TAS1R1: variants seen among roughly 807,000 people sequenced by gnomAD.
TAS1R1 encodes the protein taste 1 receptor member 1.
TAS1R1 carries 31 observed loss-of-function variants against 45.8 expected under a neutral mutation model. The observed-to-expected ratio is 0.68, with a 90% CI of 0.51 to 0.91. The LOEUF (loss-of-function observed/expected upper bound fraction) is 0.91. TAS1R1 is among the 40% of genes least tolerant of loss of function. The pLI is 0.00. For synonymous variants in TAS1R1, 437 were observed against 448.4 expected, an observed-to-expected ratio of 0.97 and a Z score of 0.32; for missense variants, 1,051 against 1,063.9, an observed-to-expected ratio of 0.99 and a Z score of 0.17.
intron 1 of TAS1R1, among the ~76,000 whole-genome samples, chr1:6,560,545 A>T (rs1222844975): frequency 6.6e-6 from 1 of 152,086 alleles, no homozygotes; most frequent in African/African-American, 2.4e-5. Flanking sequence ...GATGGTGAAA[A>T]AAAGAGGGGA....
rs141778183 is a variant in TAS1R1, at chr1:6,563,836, G to T, written c.192-7073G>T. ...CACACAGGGTGCCTTGAAAGGGGAG[G>T]TCATCTATCCACTCTAAAAGAGAGT... On this transcript the variant is annotated intron_variant, in intron 1 of 5. Transcript: ENST00000333172. 3.3e-3 allele frequency among the ~76,000 whole-genome samples: 495 copies of T among 152,206 alleles called. 7 individuals are homozygous for T. Among genetic ancestry groups the T allele is most frequent in the African/African-American group, 0.011 (475 of 41,532 alleles).
intron 5 of TAS1R1, 25 bp downstream of exon 5, chr1:6,577,095 G>A (rs1366067606): frequency 6.2e-7 from 1 of 1,614,006 alleles, no homozygotes; most frequent in South Asian, 1.1e-5. Context: ...GAGCAGGCGA[G>A]CTACCCAGCA....
Position 6,570,940 on chromosome 1 carries a change from C to T in TAS1R1, c.223C>T (p.Leu75Phe). 1.2e-6 allele frequency: 2 copies of T among 1,609,778 alleles called. No homozygotes were observed. The highest frequency in any genetic ancestry group is 8.5e-7 in the Non-Finnish European group (1 of 1,177,812). ...SCSFNEHGYH[L>F]FQAMRLGVEE... ...TAGCTTCAATGAGCATGGCTACCAC[C>T]TCTTCCAGGCTATGCGGCTTGGGGT... Residue 75 changes from leucine to phenylalanine, a missense_variant, in exon 2 of 6, where the codon CTC becomes TTC. By Grantham distance (22) the Leu-to-Phe change is conservative. Coordinates refer to ENST00000333172, the MANE Select transcript of TAS1R1 (RefSeq NM_138697.4).
chr1:6,568,410 G>A (rs1033581287), intron 1 of TAS1R1, among the ~76,000 whole-genome samples: 3 of 151,228 alleles, frequency 2.0e-5, no homozygotes, highest in African/African-American at 7.3e-5. Flanking sequence ...AGCCGAGATT[G>A]CGCCACTGCA....
At position 6,574,891 on chromosome 1, in the gene TAS1R1, T is replaced by C. The variant is rs775472701; in HGVS notation, c.759T>C (p.Asp253=). The C allele has an allele frequency of 6.2e-7, 1 of 1,614,196 alleles. No homozygotes were observed. The highest frequency in any genetic ancestry group is 8.5e-7 in the Non-Finnish European group (1 of 1,180,032). Residue 253 remains aspartate, a synonymous_variant, in exon 3 of 6, where the codon GAT becomes GAC. Coordinates refer to ENST00000333172, the MANE Select transcript of TAS1R1 (RefSeq NM_138697.4). This position sits in a 1 kb window ranked among gnomAD's most constrained non-coding sequence, Gnocchi z 4.3. ...DIMPFSAQVG[D]ERMQCLMRHL... ...TGCCCTTCTCTGCCCAGGTGGGCGATGAGAGGATGCAGTGCCTCATGCGCC... is the reference window on the plus strand; with the variant it reads ...TGCCCTTCTCTGCCCAGGTGGGCGACGAGAGGATGCAGTGCCTCATGCGCC...
intron 1 of TAS1R1, among the ~76,000 whole-genome samples, chr1:6,563,392 A>G (rs1240528389): frequency 2.0e-5 from 3 of 152,194 alleles, no homozygotes; most frequent in Admixed American, 2.0e-4. Flanking sequence ...TTACTTGTAT[A>G]TTGGGTAAGG....
intron 2 of TAS1R1, among the ~76,000 whole-genome samples, chr1:6,572,962 T>C (rs1436511145): frequency 6.6e-6 from 1 of 152,172 alleles, no homozygotes; most frequent in Non-Finnish European, 1.5e-5. Flanking sequence ...TCCTGCCCAC[T>C]GCTGCTCCTC....
At chr1:6,568,927 C>A (rs535606376) in intron 1 of TAS1R1, among the ~76,000 whole-genome samples, 1 of 151,798 alleles carries the variant, frequency 6.6e-6, no homozygotes, top group Non-Finnish European at 1.5e-5. Context: ...GAGAAGGACC[C>A]GAGATGTTTT....
At chr1:6,565,619 G>C (rs1366046404) in intron 1 of TAS1R1, among the ~76,000 whole-genome samples, 1 of 152,106 alleles carries the variant, frequency 6.6e-6, no homozygotes, top group Non-Finnish European at 1.5e-5. Flanking sequence ...TTGTTTGTTT[G>C]TTTTCTTTTT....
At chr1:6,558,821 C>T (rs572987697) in intron 1 of TAS1R1, among the ~76,000 whole-genome samples, 4 of 151,898 alleles carry the variant, frequency 2.6e-5, no homozygotes, top group Admixed American at 6.6e-5. Context: ...CAGATTCAGG[C>T]GATCCTCCTG....
chr1:6,579,726 T>G lies in TAS1R1; in HGVS notation c.*142T>G. On this transcript the variant is annotated 3_prime_UTR_variant, in exon 6 of 6. Coordinates refer to ENST00000333172, the MANE Select transcript of TAS1R1 (RefSeq NM_138697.4). ...GCGCCTGGGAGAGCCTAGACCAGGC[T>G]CCGGGCTGCCAATAAAGAAGTGAAA... The G allele has an allele frequency of 8.6e-7, 1 of 1,158,784 alleles. No individual in the cohort carries two copies. Among genetic ancestry groups the G allele is most frequent in the Non-Finnish European group, 1.2e-6 (1 of 846,176 alleles). The allele number at this position is 1,158,784 out of a possible 1,614,324, so 71.8% of individuals were successfully genotyped here. A position where few individuals can be genotyped will look rare whatever the true frequency, so the allele number is the denominator to read the frequency against.
At chr1:6,563,548 T>C (rs893183653) in intron 1 of TAS1R1, among the ~76,000 whole-genome samples, 12 of 152,170 alleles carry the variant, frequency 7.9e-5, no homozygotes, top group Non-Finnish European at 1.6e-4. Context: ...CAGTTTAACT[T>C]AGTAAGAACT....
At position 6,573,283 on chromosome 1, in the gene TAS1R1, C is replaced by T. The variant is rs191350220; in HGVS notation, c.499-1348C>T. On this transcript the variant is annotated intron_variant, in intron 2 of 5. Coordinates refer to ENST00000333172, the MANE Select transcript of TAS1R1 (RefSeq NM_138697.4). The stretch of plus-strand genomic sequence containing the variant: ...ACCAGCCTGGCCAACGTGGTGAAAC[C>T]CTGTCTCTGCTAAAAATGCAAAAAT... Among the ~76,000 whole-genome samples, 2 of 152,242 alleles carry T rather than the reference C, an allele frequency of 1.3e-5. 1 individual carries two copies. The highest frequency in any genetic ancestry group is 3.9e-4 in the East Asian group (2 of 5,174).
chr1:6,576,552 C>G lies in TAS1R1; in HGVS notation c.1398C>G (p.Leu466=). 1.2e-6 allele frequency: 2 copies of G among 1,614,244 alleles called. No individual in the cohort carries two copies. The highest frequency in any genetic ancestry group is 1.1e-5 in the South Asian group (1 of 91,084). The change falls in exon 4 of 6, where the codon CTC becomes CTG. Residue 466 remains leucine (L), a synonymous_variant. Transcript: ENST00000333172. The part of the protein sequence containing the change: ...WNGPKWTFTV[L]GSSTWSPVQL... ...GACCCAAGTGGACCTTCACGGTCCT[C>G]GGTTCCTCCACATGGTCTCCAGTTC...
rs1640259510 is a variant in TAS1R1, at chr1:6,578,655, C to A, written c.1597C>A (p.Leu533Ile). ...GAGTFLNKSDLYRCQPCGKEE... is the reference protein window; with the variant it reads ...GAGTFLNKSDIYRCQPCGKEE... ...ACCTTCTTGGCCTTCCCTTTCAGAC[C>A]TCTACAGATGCCAGCCTTGTGGGAA... The change falls in exon 6 of 6, where the codon CTC (leucine) becomes ATC (isoleucine). Residue 533 changes from leucine (L) to isoleucine (I), a missense_variant and splice_region_variant. Leu to Ile is a conservative substitution (Grantham distance 5). Transcript: ENST00000333172. 7.0e-6 allele frequency: 11 copies of A among 1,567,148 alleles called. No homozygotes were observed. Among genetic ancestry groups the A allele is most frequent in the Non-Finnish European group, 9.5e-6 (11 of 1,153,912 alleles).
chr1:6,570,955 C>A lies in TAS1R1; in HGVS notation c.238C>A (p.Arg80=). 6.2e-7 allele frequency: 1 copy of A among 1,612,330 alleles called. No individual in the cohort carries two copies. The highest frequency in any genetic ancestry group is 8.5e-7 in the Non-Finnish European group (1 of 1,179,124). ...TGGCTACCACCTCTTCCAGGCTATG[C>A]GGCTTGGGGTTGAGGAGATAAACAA... ...EHGYHLFQAM[R]LGVEEINNST... is the part of the protein sequence containing the mutation. Residue 80 remains arginine, a synonymous_variant, in exon 2 of 6, where the codon CGG becomes AGG. Transcript: ENST00000333172.
At chr1:6,578,353 C>A (rs186625470) in intron 5 of TAS1R1, among the ~76,000 whole-genome samples, 1 of 152,166 alleles carries the variant, frequency 6.6e-6, no homozygotes, top group Non-Finnish European at 1.5e-5. Context: ...CCCATCAGAT[C>A]GTAACCTCTC....
At chr1:6,578,063 C>G (rs554803070) in intron 5 of TAS1R1, among the ~76,000 whole-genome samples, 92 of 152,318 alleles carry the variant, frequency 6.0e-4, no homozygotes, top group Non-Finnish European at 8.4e-4. Flanking sequence ...AATACAGATA[C>G]TAGCGTGTCT....
intron 1 of TAS1R1, among the ~76,000 whole-genome samples, chr1:6,556,585 G>C (rs908243595): frequency 2.6e-5 from 4 of 151,874 alleles, no homozygotes; most frequent in Middle Eastern, 3.4e-3. Context: ...ATTTTTCGTA[G>C]AGACAGGGGT....
Sources: allele counts gnomAD v4.1 joint callset (sites outside exome capture counted in the v4.1 genomes callset), GRCh38; gene constraint gnomAD v4.1.1; non-coding constraint Gnocchi (gnomAD v3.1); transcripts MANE v1.5; gene names NCBI Gene and HGNC (gene_info 2026-07-23, HGNC 2026-07-21).